The following WDFY4 variants were observed in gnomAD, a reference collection of about 807,000 sequenced individuals.
WDFY4 encodes the protein WD repeat- and FYVE domain-containing protein 4.
In WDFY4, 169 loss-of-function variants were observed where a neutral mutation model predicts 351.9. The ratio of observed to expected loss-of-function variants is 0.48; its 90% CI spans 0.42 to 0.55. The LOEUF (loss-of-function observed/expected upper bound fraction) is 0.55, where lower values mean the gene tolerates loss of function less well. Among genes scored for constraint, WDFY4 ranks in the 20% least tolerant of loss-of-function variants. WDFY4 has a pLI of 0.00. For missense variants in WDFY4, 3,803 were observed against 3,935.6 expected, an observed-to-expected ratio of 0.97 and a Z score of 0.90; for synonymous variants, 1,622 against 1,574.6, an observed-to-expected ratio of 1.03 and a Z score of -0.71.
intron 47 of WDFY4, among the ~76,000 whole-genome samples, chr10:48,917,737 A>G (rs1446392226): frequency 6.6e-6 from 1 of 152,238 alleles, no homozygotes; most frequent in East Asian, 1.9e-4. Context: ...ATGTCCAAGG[A>G]AGTTCTTCAG....
In WDFY4 at chr10:48,757,962, C is replaced by A. The variant is rs570103896; in HGVS notation, c.2460-2385C>A. ...ACAATGTCACTTTCAACCATCATAC[C>A]TAAATTTAAGAACTTAAGAAGAGAA... On this transcript the variant is annotated intron_variant, in intron 12 of 61. Transcript: ENST00000325239. Among the ~76,000 whole-genome samples the A allele has an allele frequency of 2.6e-5, 4 of 152,172 alleles. No individual in the cohort carries two copies. The South Asian group carries it at 8.3e-4, about 32-fold the overall frequency.
At chr10:48,826,418 T>C (rs900367121) in intron 35 of WDFY4, among the ~76,000 whole-genome samples, 1 of 151,706 alleles carries the variant, frequency 6.6e-6, no homozygotes, top group Non-Finnish European at 1.5e-5. Flanking sequence ...TCCAGCTTTG[T>C]TTTTTTTGCT....
chr10:48,967,358 A>T (rs41283299), intron 55 of WDFY4: 11 of 152,360 alleles, frequency 7.2e-5, no homozygotes, highest in Non-Finnish European at 1.2e-4. Context: ...AAACATGAGA[A>T]ATAGGTTGAG....
chr10:48,820,469 G>T (rs577417520), intron 33 of WDFY4, 32 bp downstream of exon 33: 6 of 1,542,340 alleles, frequency 3.9e-6, no homozygotes, highest in East Asian at 4.9e-5. Context: ...TGGGCCATGT[G>T]CTGTGGAGGC....
In WDFY4 at chr10:48,957,176, C is replaced by A; in HGVS notation, c.8025C>A (p.Ser2675Arg). 6.4e-7 allele frequency: 1 copy of A among 1,551,642 alleles called. No individual in the cohort carries two copies. Among genetic ancestry groups the A allele is most frequent in the Non-Finnish European group, 8.7e-7 (1 of 1,146,974 alleles). The change falls in exon 52 of 62, where the codon AGC (serine) becomes AGA (arginine). Residue 2675 changes from serine to arginine, a missense_variant. By Grantham distance (110) the Ser-to-Arg change is moderately radical. Around this residue, in one of 3 missense-constraint regions of WDFY4, gnomAD observed 3,054 missense variants for 3,148.6 expected, o/e 0.97. Transcript: ENST00000325239. ...ACAGAATGTTCCACAGTGTGAAGAG[C>A]ACGTGGGAGTCGGCCTCCAGAGAGA... ...VADRMFHSVK[S>R]TWESASRENM... is the part of the protein sequence containing the mutation.
chr10:48,743,360 A>G lies in WDFY4; in HGVS notation c.2271A>G (p.Pro757=), dbSNP rs1565152167. Residue 757 remains proline, a synonymous_variant, in exon 12 of 62, where the codon CCA becomes CCG. Coordinates refer to ENST00000325239, the MANE Select transcript of WDFY4 (RefSeq NM_001394531.1). ...GTAFSSSGSL[P]PRIQSCLQIL... ...CCTTTTCCTCCAGCGGCTCACTCCC[A>G]CCCCGGATACAGAGCTGCCTCCAGA... is the stretch of plus-strand genomic sequence containing the variant. 1.9e-6 allele frequency: 3 copies of G among 1,551,324 alleles called. No homozygotes were observed. The highest frequency in any genetic ancestry group is 2.4e-5 in the East Asian group (1 of 40,894).
intron 33 of WDFY4, 76 bp from the exon 34 acceptor site, chr10:48,820,986 G>C: frequency 2.9e-6 from 3 of 1,023,890 alleles, no homozygotes; most frequent in Non-Finnish European, 4.5e-6. Context: ...GTCCCAGCCA[G>C]GCTAGGGAGG....
intron 39 of WDFY4, among the ~76,000 whole-genome samples, chr10:48,839,628 G>A (rs188070190): frequency 6.6e-6 from 1 of 152,208 alleles, no homozygotes; most frequent in Non-Finnish European, 1.5e-5. Context: ...AAGCAGGCTG[G>A]AGGGATAAAT....
At chr10:48,886,890 C>T (rs1315726147) in intron 43 of WDFY4, among the ~76,000 whole-genome samples, 2 of 152,182 alleles carry the variant, frequency 1.3e-5, no homozygotes, top group Non-Finnish European at 2.9e-5. Context: ...GGCAAAAGTT[C>T]TACTCTTTAA....
rs1434387882 is a variant in WDFY4 at position 48,877,138 on chromosome 10, A to T, written c.7106A>T (p.Asp2369Val). Residue 2369 changes from aspartate (D) to valine (V), a missense_variant, in exon 43 of 62, where the codon GAC becomes GTC. Physicochemically the swap from Asp to Val is radical, Grantham distance 152. This residue lies in a region of WDFY4 where 3,054 missense variants were observed against 3,148.6 expected (regional missense o/e 0.97). Transcript: ENST00000325239. ...TTACACGAAAGTCTGCACTCAGAAG[A>T]CTTCTTGGAACTGTGTCGGGAAAGA... ...PALHESLHSE[D>V]FLELCRERQV... 1 of 1,551,392 alleles carries T rather than the reference A, an allele frequency of 6.4e-7. No homozygotes were observed. The highest frequency in any genetic ancestry group is 8.7e-7 in the Non-Finnish European group (1 of 1,146,890).
rs138900570 is a variant in WDFY4 at position 48,692,833 on chromosome 10, T to C, written c.-18+7832T>C. Among the ~76,000 whole-genome samples the C allele has an allele frequency of 1.6e-4, 24 of 152,280 alleles. No homozygotes were observed. In the East Asian group the frequency reaches 4.6e-3, roughly 29 times the overall value. On this transcript the variant is annotated intron_variant, in intron 1 of 61. Transcript: ENST00000325239. ...CACTGTTCCATTGTAATTACTGAGA[T>C]CGTATCTTGATGCAGCCTTGAAAAC...
At position 48,742,756 on chromosome 10, in the gene WDFY4, G is replaced by A. The variant is rs115708217; in HGVS notation, c.1879-212G>A. ...AAAAAACAGGACAGTTAAATCAACC[G>A]TATAGATTAGTGTAGTAGGCACACA... On this transcript the variant is annotated intron_variant, in intron 11 of 61. Transcript: ENST00000325239. Among the ~76,000 whole-genome samples the A allele has an allele frequency of 4.1e-3, 629 of 152,316 alleles. 2 individuals are homozygous for A. The highest frequency in any genetic ancestry group is 0.014 in the African/African-American group (578 of 41,562).
intron 52 of WDFY4, among the ~76,000 whole-genome samples, chr10:48,958,035 C>T (rs188889304): frequency 7.7e-4 from 117 of 152,314 alleles, no homozygotes; most frequent in Admixed American, 2.3e-3. Flanking sequence ...ATGCATACCT[C>T]GGGCTCTAGA....
At chr10:48,831,035 A>G (rs1009301894) in intron 38 of WDFY4, 150 bp downstream of exon 38, 4 of 806,164 alleles carry the variant, frequency 5.0e-6, no homozygotes, top group African/African-American at 1.8e-5. Flanking sequence ...CTGAAATCTT[A>G]TGTATCTTTC....
chr10:48,769,864 C>G (rs2065801873), intron 13 of WDFY4, among the ~76,000 whole-genome samples: 1 of 152,228 alleles, frequency 6.6e-6, no homozygotes. Context: ...GCAGAAAATT[C>G]CTTAAGGCTG....
At chr10:48,835,493 C>T (rs909678909) in intron 39 of WDFY4, among the ~76,000 whole-genome samples, 2 of 151,938 alleles carry the variant, frequency 1.3e-5, no homozygotes, top group African/African-American at 4.9e-5. Flanking sequence ...GAGGGAGTCA[C>T]CCGCAGCCAC....
intron 44 of WDFY4, among the ~76,000 whole-genome samples, chr10:48,896,906 G>C (rs1248025089): frequency 4.6e-5 from 7 of 152,174 alleles, no homozygotes; most frequent in Admixed American, 3.9e-4. Context: ...CCTGGGCAGA[G>C]GGACTAAGGT....
chr10:48,761,266 G>T (rs752698861), intron 13 of WDFY4, among the ~76,000 whole-genome samples: 1 of 152,186 alleles, frequency 6.6e-6, no homozygotes, highest in Non-Finnish European at 1.5e-5. Flanking sequence ...AGGCTTCTGG[G>T]AGCCTTGCCA....
At chr10:48,856,082 T>C (rs150249252) in intron 39 of WDFY4, among the ~76,000 whole-genome samples, 1 of 152,212 alleles carries the variant, frequency 6.6e-6, no homozygotes, top group East Asian at 1.9e-4. Context: ...AAAAGTGGTA[T>C]TGTTTTATGT....
Sources: allele counts gnomAD v4.1 joint callset (sites outside exome capture counted in the v4.1 genomes callset), GRCh38; gene constraint gnomAD v4.1.1; regional missense constraint gnomAD v4.1.1; transcripts MANE v1.5; gene names NCBI Gene and HGNC (gene_info 2026-07-23, HGNC 2026-07-21).